Variants in GPRIN2 observed in about 807,000 individuals in gnomAD.
GPRIN2 encodes the protein G protein-regulated inducer of neurite outgrowth 2.
GPRIN2 carries 1 observed loss-of-function variant against 0.3 expected under a neutral mutation model. The ratio of observed to expected loss-of-function variants is 3.90; its 90% CI spans 1.39 to 18.51. GPRIN2 has a LOEUF of 18.51. Among genes scored for constraint, GPRIN2 ranks in the 30% most tolerant of loss-of-function variants. The pLI, the probability that GPRIN2 is intolerant of heterozygous loss-of-function variation, is 0.11. For missense variants in GPRIN2, 880 were observed against 604.2 expected, an observed-to-expected ratio of 1.46 and a Z score of -4.79; for synonymous variants, 361 against 258.6, an observed-to-expected ratio of 1.40 and a Z score of -3.80.
At chr10:46,557,014 C>CCCCCTCGCTCCAGTG (rs1843322518), upstream of GPRIN2, among the ~76,000 whole-genome samples, 5 of 150,080 alleles carry the variant, frequency 3.3e-5, no homozygotes, top group African/African-American at 1.2e-4. Context: ...CGTAGCCCCA[C>CCCCCTCGCTCCAGTG]CCCCTCGCTC....
chr10:46,546,659 C>T lies in GPRIN2; in HGVS notation c.*2701G>A, dbSNP rs1264756285. Among the ~76,000 whole-genome samples the T allele has an allele frequency of 1.3e-5, 2 of 152,306 alleles. No homozygotes were observed. Among genetic ancestry groups the T allele is most frequent in the Admixed American group, 6.5e-5 (1 of 15,294 alleles). ...CTGGCCATGCTCTGGGGCCCTAAAC[C>T]ACTGCAGGCATCAGGGCTGTTCCAG... is the stretch of plus-strand genomic sequence containing the variant. On this transcript the variant is annotated 3_prime_UTR_variant, in exon 3 of 3. Coordinates refer to ENST00000374314, the MANE Select transcript of GPRIN2 (RefSeq NM_001385282.1).
chr10:46,542,414 C>A lies in GPRIN2; in HGVS notation c.*6946G>T, dbSNP rs1841830531. ...GTGATGGAATCGTGGGGGCGGTTCC[C>A]CCATGCTGTTCTTGTGATAGTAAGT... On this transcript the variant is annotated 3_prime_UTR_variant, in exon 3 of 3. Transcript: ENST00000374314. Among the ~76,000 whole-genome samples the A allele has an allele frequency of 6.6e-6, 1 of 152,308 alleles. No individual in the cohort carries two copies. Among genetic ancestry groups the A allele is most frequent in the East Asian group, 1.9e-4 (1 of 5,208 alleles).
intron 1 of GPRIN2, among the ~76,000 whole-genome samples, chr10:46,555,686 C>A (rs1306489230): frequency 2.0e-5 from 3 of 152,310 alleles, no homozygotes; most frequent in Non-Finnish European, 4.4e-5. Flanking sequence ...CAGGAAGAGG[C>A]CTAGGCGCCC....
At position 46,550,177 on chromosome 10, in the gene GPRIN2, C is replaced by A; in HGVS notation, c.560G>T (p.Trp187Leu). ...TGACAACTGACTCGCCCCCAGCATC[C>A]AGGCTGAGTTAGAAGTCTCATCCTC... ...APEDETSNSA[W>L]MLGASQLSVP... The change falls in exon 3 of 3, where the codon TGG (tryptophan) becomes TTG (leucine). Residue 187 changes from tryptophan to leucine, a missense_variant. Physicochemically the swap from Trp to Leu is moderately conservative, Grantham distance 61 (BLOSUM62 -2). Transcript: ENST00000374314. 6.3e-7 allele frequency: 1 copy of A among 1,599,470 alleles called. No homozygotes were observed. Among genetic ancestry groups the A allele is most frequent in the Non-Finnish European group, 8.5e-7 (1 of 1,172,394 alleles).
chr10:46,551,603 A>G, intron 2 of GPRIN2: 2 of 639,106 alleles, frequency 3.1e-6, no homozygotes, highest in African/African-American at 2.0e-5. Context: ...GTGAGATAAG[A>G]TGCCCACCCA....
Position 46,547,303 on chromosome 10 carries a change from A to G in GPRIN2, c.*2057T>C, listed in dbSNP as rs1832855580. On this transcript the variant is annotated 3_prime_UTR_variant, in exon 3 of 3. Coordinates refer to ENST00000374314, the MANE Select transcript of GPRIN2 (RefSeq NM_001385282.1). ...GCCCCTCCTTGGTGTCACCTGGCAC[A>G]TCTCCACTGGAAGCCAAATGGATAT... 1.2e-3 allele frequency among the ~76,000 whole-genome samples: 186 copies of G among 152,294 alleles called. No homozygotes were observed. Among genetic ancestry groups the G allele is most frequent in the African/African-American group, 4.3e-3 (180 of 41,486 alleles).
At position 46,548,552 on chromosome 10, in the gene GPRIN2, G is replaced by A. The variant is rs1832797656; in HGVS notation, c.*808C>T. Among the ~76,000 whole-genome samples the A allele has an allele frequency of 2.6e-5, 4 of 152,422 alleles. No homozygotes were observed. Among genetic ancestry groups the A allele is most frequent in the East Asian group, 1.9e-4 (1 of 5,196 alleles). ...CTGACACAATGACCCTGGAAGCCTG[G>A]CAGCCCTCCGTAATGGTCAGCATCC... On this transcript the variant is annotated 3_prime_UTR_variant, in exon 3 of 3. Transcript: ENST00000374314.
chr10:46,549,555 G>C lies in GPRIN2; in HGVS notation c.1182C>G (p.Tyr394Ter). 1 of 1,614,012 alleles carries C rather than the reference G, an allele frequency of 6.2e-7. No homozygotes were observed. Among genetic ancestry groups the C allele is most frequent in the African/African-American group, 1.3e-5 (1 of 75,046 alleles). The change falls in exon 3 of 3, where the codon TAC (tyrosine) becomes TAG (stop). Residue 394 changes from tyrosine to a stop codon, truncating the protein, a stop_gained. Coordinates refer to ENST00000374314, the MANE Select transcript of GPRIN2 (RefSeq NM_001385282.1). LOFTEE classifies it high-confidence loss of function. ...GCACCTCCAGGTCCACCGCAGCTCC[G>C]TACACCTCCCATGTCATGCCCTCAG... is the stretch of plus-strand genomic sequence containing the variant. ...WDAEGMTWEV[Y>*]GAAVDLEVLG...
At position 46,545,228 on chromosome 10, in the gene GPRIN2, C is replaced by T. The variant is rs1264235969; in HGVS notation, c.*4132G>A. On this transcript the variant is annotated 3_prime_UTR_variant, in exon 3 of 3. Transcript: ENST00000374314. ...GTGACTCCCTCTGGTGGTTTCTGTG[C>T]ACAACTTCCCCCAAAATAGGCCCTA... 6.6e-6 allele frequency among the ~76,000 whole-genome samples: 1 copy of T among 152,310 alleles called. No individual in the cohort carries two copies. Among genetic ancestry groups the T allele is most frequent in the Non-Finnish European group, 1.5e-5 (1 of 68,058 alleles).
intron 2 of GPRIN2, among the ~76,000 whole-genome samples, chr10:46,551,729 G>A (rs1308893607): frequency 1.3e-5 from 2 of 152,312 alleles, no homozygotes; most frequent in African/African-American, 4.8e-5. Flanking sequence ...CAGCCATAAA[G>A]ACCACCCTGG....
intron 1 of GPRIN2, among the ~76,000 whole-genome samples, chr10:46,555,719 C>T (rs1266553158): frequency 2.6e-5 from 4 of 152,298 alleles, no homozygotes; most frequent in South Asian, 2.1e-4. Flanking sequence ...GCTTCCTCCC[C>T]TGGGGAGGAT....
chr10:46,542,645 C>A lies in GPRIN2; in HGVS notation c.*6715G>T, dbSNP rs1565179780. On this transcript the variant is annotated 3_prime_UTR_variant, in exon 3 of 3. Coordinates refer to ENST00000374314, the MANE Select transcript of GPRIN2 (RefSeq NM_001385282.1). ...TTAAACCTCTTTCCTTTATAAATTA[C>A]CCAGTCTCAGGCAGTTCTTTATAGC... Among the ~76,000 whole-genome samples the A allele has an allele frequency of 1.3e-5, 2 of 152,426 alleles. No homozygotes were observed. The highest frequency in any genetic ancestry group is 2.9e-5 in the Non-Finnish European group (2 of 68,048).
rs1833038135 is a variant in GPRIN2 at position 46,543,248 on chromosome 10, C to T, written c.*6112G>A. ...GCCTGGTGGGGGGAATGGCCAAGAC[C>T]GCAAGAAGAGAGACTACTGTATGGA... On this transcript the variant is annotated 3_prime_UTR_variant, in exon 3 of 3. Coordinates refer to ENST00000374314, the MANE Select transcript of GPRIN2 (RefSeq NM_001385282.1). Among the ~76,000 whole-genome samples, 1,187 of 152,076 alleles carry T rather than the reference C, an allele frequency of 7.8e-3. 7 individuals carry two copies. The highest frequency in any genetic ancestry group is 0.011 in the Non-Finnish European group (749 of 67,862).
rs1204167502 is a variant in GPRIN2 at position 46,547,918 on chromosome 10, T to G, written c.*1442A>C. 6.6e-6 allele frequency among the ~76,000 whole-genome samples: 1 copy of G among 152,310 alleles called. No homozygotes were observed. Among genetic ancestry groups the G allele is most frequent in the Non-Finnish European group, 1.5e-5 (1 of 68,058 alleles). ...TTGTCACTTTGTCCTTGTGGCCTGT[T>G]GAAATGCCACTCCTGCTTTACAAAT... On this transcript the variant is annotated 3_prime_UTR_variant, in exon 3 of 3. Coordinates refer to ENST00000374314, the MANE Select transcript of GPRIN2 (RefSeq NM_001385282.1).
chr10:46,552,972 G>A (rs1022996272), intron 2 of GPRIN2, among the ~76,000 whole-genome samples: 158 of 152,274 alleles, frequency 1.0e-3, no homozygotes, highest in Non-Finnish European at 1.7e-3. Context: ...AATAAAGCCC[G>A]TAACAGCGAT....
At position 46,543,284 on chromosome 10, in the gene GPRIN2, G is replaced by T. The variant is rs1179063421; in HGVS notation, c.*6076C>A. On this transcript the variant is annotated 3_prime_UTR_variant, in exon 3 of 3. Transcript: ENST00000374314. The stretch of plus-strand genomic sequence containing the variant: ...AGACTACTGTATGGAGCCAGAAGGC[G>T]AAGGCAAGTAAATCCTTGGCACAAA... 2.0e-5 allele frequency among the ~76,000 whole-genome samples: 3 copies of T among 152,304 alleles called. No homozygotes were observed. Among genetic ancestry groups the T allele is most frequent in the Admixed American group, 6.5e-5 (1 of 15,294 alleles).
At position 46,548,142 on chromosome 10, in the gene GPRIN2, T is replaced by A. The variant is rs1027104345; in HGVS notation, c.*1218A>T. Among the ~76,000 whole-genome samples the A allele has an allele frequency of 1.3e-5, 2 of 152,300 alleles. No homozygotes were observed. The highest frequency in any genetic ancestry group is 4.8e-5 in the African/African-American group (2 of 41,488). ...TGGATTGGGGGGCTGTGTCACGGGATCTTAGGATCTTCAAGACAAAGACCC... is the reference window on the plus strand; with the variant it reads ...TGGATTGGGGGGCTGTGTCACGGGAACTTAGGATCTTCAAGACAAAGACCC... On this transcript the variant is annotated 3_prime_UTR_variant, in exon 3 of 3. Coordinates refer to ENST00000374314, the MANE Select transcript of GPRIN2 (RefSeq NM_001385282.1).
rs1250815472 is a variant in GPRIN2 at position 46,543,599 on chromosome 10, G to A, written c.*5761C>T. ...AGCTGCAGGGAAATGAAAAGCTCCA[G>A]GCAGGACAGACTGGGCGATGACTGC... On this transcript the variant is annotated 3_prime_UTR_variant, in exon 3 of 3. Transcript: ENST00000374314. 6.6e-6 allele frequency among the ~76,000 whole-genome samples: 1 copy of A among 152,306 alleles called. No homozygotes were observed. Among genetic ancestry groups the A allele is most frequent in the Admixed American group, 6.5e-5 (1 of 15,292 alleles).
In GPRIN2 at chr10:46,550,499, G is replaced by T; in HGVS notation, c.238C>A (p.Pro80Thr). Residue 80 changes from proline (P) to threonine (T), a missense_variant, in exon 3 of 3, where the codon CCC becomes ACC. Coordinates refer to ENST00000374314, the MANE Select transcript of GPRIN2 (RefSeq NM_001385282.1). ...CCTCCAGCACTGGGTCGCGCCTTGG[G>T]GCCAGAGGCCCGTGCTGGCTTCATG... is the stretch of plus-strand genomic sequence containing the variant. ...ESMKPARASG[P>T]KARPSAGGHW... The T allele has an allele frequency of 1.2e-6, 2 of 1,607,194 alleles. No homozygotes were observed. The highest frequency in any genetic ancestry group is 1.7e-6 in the Non-Finnish European group (2 of 1,176,118).
Sources: allele counts gnomAD v4.1 joint callset (sites outside exome capture counted in the v4.1 genomes callset), GRCh38; gene constraint gnomAD v4.1.1; transcripts MANE v1.5; gene names NCBI Gene and HGNC (gene_info 2026-07-23, HGNC 2026-07-21).